RGL1: variants seen among roughly 807,000 people sequenced by gnomAD.
RGL1 encodes ral guanine nucleotide dissociation stimulator-like 1.
Under a neutral mutation model 95.2 loss-of-function variants are expected in RGL1, and 24 were observed. The observed-to-expected ratio is 0.25, with a 90% CI of 0.18 to 0.35. RGL1 has a LOEUF of 0.35. Among genes scored for constraint, RGL1 ranks in the 10% least tolerant of loss-of-function variants. The probability of loss-of-function intolerance (pLI) is 1.00; values close to 1 mark genes in which losing one functional copy is unlikely to be tolerated. For missense variants in RGL1, 715 were observed against 936.3 expected (o/e 0.76, Z 3.08); for synonymous variants, 329 against 344.9 (o/e 0.95, Z 0.51).
chr1:183,677,308 T>C (rs913207876), intron 1 of RGL1, among the ~76,000 whole-genome samples: 2 of 150,700 alleles, frequency 1.3e-5, no homozygotes, highest in Non-Finnish European at 3.0e-5. Context: ...TCTCTCTCTC[T>C]TTTTTTTTCT....
At chr1:183,784,174 G>T (rs1182038304) in intron 2 of RGL1, among the ~76,000 whole-genome samples, 2 of 152,182 alleles carry the variant, frequency 1.3e-5, no homozygotes, top group Non-Finnish European at 2.9e-5. Flanking sequence ...GGAAGTCTAG[G>T]CTGGCAGACA....
At chr1:183,677,804 G>A (rs1572263203) in intron 1 of RGL1, among the ~76,000 whole-genome samples, 2 of 152,130 alleles carry the variant, frequency 1.3e-5, no homozygotes, top group African/African-American at 4.8e-5. Flanking sequence ...CCATTTTAGG[G>A]GTGAGGGAAG....
At chr1:183,676,694 C>T (rs565743686) in intron 1 of RGL1, among the ~76,000 whole-genome samples, 1 of 143,258 alleles carries the variant, frequency 7.0e-6, no homozygotes, top group African/African-American at 2.5e-5. Flanking sequence ...ACTCCAGAGC[C>T]AGAGGCCCCT....
intron 1 of RGL1, chr1:183,648,106 C>A: frequency 6.2e-7 from 1 of 1,614,210 alleles, no homozygotes; most frequent in South Asian, 1.1e-5. Flanking sequence ...ATTTCATATG[C>A]GTTGTGCCTG....
At chr1:183,780,033 A>G (rs552067542) in intron 2 of RGL1, among the ~76,000 whole-genome samples, 1 of 152,306 alleles carries the variant, frequency 6.6e-6, no homozygotes, top group Non-Finnish European at 1.5e-5. Context: ...TAAAATACTT[A>G]GTGAGATATA....
chr1:183,666,697 C>T, intron 1 of RGL1, among the ~76,000 whole-genome samples: 1 of 152,268 alleles, frequency 6.6e-6, no homozygotes, highest in Non-Finnish European at 1.5e-5. Context: ...CTAGTTGTAA[C>T]TCCACTGTGG....
At chr1:183,867,934 C>T (rs1055403712) in intron 4 of RGL1, among the ~76,000 whole-genome samples, 5 of 152,152 alleles carry the variant, frequency 3.3e-5, no homozygotes, top group Non-Finnish European at 7.3e-5. Context: ...GAGTTAGGTT[C>T]CATGTAGTTT....
At chr1:183,822,316 CT>C (rs1317609682) in intron 2 of RGL1, among the ~76,000 whole-genome samples, 2 of 150,174 alleles carry the variant, frequency 1.3e-5, no homozygotes, top group African/African-American at 4.9e-5. Context: ...ACATGTTTGA[CT>C]TTTTAAAAAC....
intron 16 of RGL1, among the ~76,000 whole-genome samples, chr1:183,917,342 C>T (rs1669038983): frequency 6.6e-6 from 1 of 152,232 alleles, no homozygotes; most frequent in Non-Finnish European, 1.5e-5. Context: ...GGAATACACA[C>T]AGAGCCTCTC....
At chr1:183,839,886 G>A (rs148806934) in intron 2 of RGL1, among the ~76,000 whole-genome samples, 10 of 152,296 alleles carry the variant, frequency 6.6e-5, no homozygotes, top group African/African-American at 2.4e-4. Context: ...ACAAAAGACA[G>A]GTTAACAAGA....
intron 1 of RGL1, among the ~76,000 whole-genome samples, chr1:183,684,052 A>C (rs2102087911): frequency 6.6e-6 from 1 of 152,218 alleles, no homozygotes; most frequent in South Asian, 2.1e-4. Context: ...TGGTTATTCT[A>C]GTTAGCAATT....
rs1000514683 is a variant in RGL1 at position 183,740,659 on chromosome 1, G to T, written c.-32-1467G>T. On this transcript the variant is annotated intron_variant, in intron 1 of 18. Coordinates refer to the RGL1 transcript ENST00000304685. ...GTCTTGCATTATAAGCTGCTTGGGG[G>T]GTGTGTGATGAATGTTAGACTTATC... Among the ~76,000 whole-genome samples the T allele has an allele frequency of 4.7e-4, 72 of 152,036 alleles. 2 individuals carry two copies. Among genetic ancestry groups the T allele is most frequent in the Non-Finnish European group, 1.5e-5 (1 of 68,022 alleles).
chr1:183,869,238 A>G (rs767938736), intron 4 of RGL1, among the ~76,000 whole-genome samples: 6 of 152,252 alleles, frequency 3.9e-5, no homozygotes, highest in Non-Finnish European at 8.8e-5. Context: ...GGGTATGAAG[A>G]GTCATGTTCA....
At chr1:183,874,494 CCTT>C (rs1400887635) in intron 4 of RGL1, among the ~76,000 whole-genome samples, 29 of 151,918 alleles carry the variant, frequency 1.9e-4, no homozygotes, top group Non-Finnish European at 4.1e-4. Flanking sequence ...TTTTCTTCCT[CCTT>C]CTTGCCGTGG....
At chr1:183,696,403 A>G (rs1229478510) in intron 1 of RGL1, among the ~76,000 whole-genome samples, 1 of 152,218 alleles carries the variant, frequency 6.6e-6, no homozygotes, top group Non-Finnish European at 1.5e-5. Flanking sequence ...TTTTCCAAGG[A>G]AAATAACTAG....
At chr1:183,668,533 C>G (rs77473470) in intron 1 of RGL1, among the ~76,000 whole-genome samples, 1,977 of 152,150 alleles carry the variant, frequency 0.013, 52 homozygotes, top group African/African-American at 0.046. Context: ...GAACTCCTGG[C>G]CTCAAGCAAT....
At position 183,706,887 on chromosome 1, in the gene RGL1, G is replaced by A. The variant is rs190903961; in HGVS notation, c.-32-35239G>A. 4.6e-5 allele frequency among the ~76,000 whole-genome samples: 7 copies of A among 152,328 alleles called. No homozygotes were observed. In the East Asian group the frequency reaches 9.6e-4, roughly 21 times the overall value. On this transcript the variant is annotated intron_variant, in intron 1 of 18. Coordinates refer to the RGL1 transcript ENST00000304685. ...TCTGAAGCTTGCGCCAAATACTGGG[G>A]GTGGATTGGGAGATGAACTGAAGGT... is the stretch of plus-strand genomic sequence containing the variant.
At chr1:183,854,468 C>T (rs1193304050) in intron 3 of RGL1, among the ~76,000 whole-genome samples, 1 of 152,140 alleles carries the variant, frequency 6.6e-6, no homozygotes, top group Admixed American at 6.5e-5. Flanking sequence ...ATATGCAAAA[C>T]CTGACATACC....
At chr1:183,646,398 T>C (rs1186396251) in intron 1 of RGL1, 1 of 150,866 alleles carries the variant, frequency 6.6e-6, no homozygotes, top group Non-Finnish European at 1.5e-5. Flanking sequence ...TGGCAAACTC[T>C]TTTATTAGCT....
Sources: allele counts gnomAD v4.1 joint callset (sites outside exome capture counted in the v4.1 genomes callset), GRCh38; gene constraint gnomAD v4.1.1; transcripts MANE v1.5; gene names NCBI Gene and HGNC (gene_info 2026-07-23, HGNC 2026-07-21).